Variants in PDE7A observed in about 807,000 individuals in gnomAD.
PDE7A encodes the protein high affinity 3',5'-cyclic-AMP phosphodiesterase 7A.
A neutral mutation model predicts 64.3 loss-of-function variants in PDE7A; 39 were observed. The observed-to-expected ratio is 0.61, with a 90% CI of 0.47 to 0.79. The LOEUF is 0.79. Ranked by LOEUF, PDE7A falls within the 30% of genes least tolerant of loss-of-function variation. PDE7A has a pLI of 0.00. For missense variants in PDE7A, 470 were observed against 582.8 expected (o/e 0.81, Z 1.99); for synonymous variants, 203 against 206.8 (o/e 0.98, Z 0.16).
Position 65,764,412 on chromosome 8 carries a change from T to C in PDE7A, c.283+15308A>G, listed in dbSNP as rs549722900. Among the ~76,000 whole-genome samples, 5 of 152,338 alleles carry C rather than the reference T, an allele frequency of 3.3e-5. No homozygotes were observed. In the South Asian group the frequency reaches 8.3e-4, roughly 25 times the overall value. ...GAGAGACTAAATTACAAATGATGGA[T>C]AGCTGCTTTCGCAGACCAAACAGAT... On this transcript the variant is annotated intron_variant, in intron 3 of 12. Transcript: ENST00000401827.
chr8:65,723,573 C>T lies in PDE7A; in HGVS notation c.1211G>A (p.Arg404His), dbSNP rs988517648. Residue 404 changes from arginine (R) to histidine (H), a missense_variant, in exon 12 of 13, where the codon CGT becomes CAT. Transcript: ENST00000401827. The stretch of plus-strand genomic sequence containing the variant: ...GATGTTGGCAATAGATTCAGTGTGA[C>T]GATCGCAAAGTGGACTCACACCCAA... ...YHLGVSPLCD[R>H]HTESIANIQI... The T allele has an allele frequency of 3.6e-5, 57 of 1,580,622 alleles. No homozygotes were observed. The highest frequency in any genetic ancestry group is 4.6e-5 in the Non-Finnish European group (54 of 1,165,320).
chr8:65,792,439 C>T (rs1809726462), intron 1 of PDE7A, among the ~76,000 whole-genome samples: 1 of 152,190 alleles, frequency 6.6e-6, no homozygotes. Flanking sequence ...ATCCCTGGGG[C>T]TCTCTGCCAC....
At chr8:65,791,573 T>C (rs1029550217) in intron 1 of PDE7A, among the ~76,000 whole-genome samples, 2 of 152,312 alleles carry the variant, frequency 1.3e-5, no homozygotes, top group South Asian at 4.1e-4. Context: ...AGGATTAGGC[T>C]CTTGGCTTTC....
At chr8:65,800,803 G>A (rs184602725) in intron 1 of PDE7A, among the ~76,000 whole-genome samples, 1 of 152,260 alleles carries the variant, frequency 6.6e-6, no homozygotes, top group Admixed American at 6.5e-5. Context: ...ACATCAAACA[G>A]AAACTCCTTT....
At chr8:65,744,734 AGAT>A (rs1205714800) in intron 5 of PDE7A, among the ~76,000 whole-genome samples, 1 of 152,240 alleles carries the variant, frequency 6.6e-6, no homozygotes, top group African/African-American at 2.4e-5. Flanking sequence ...AAAAAACATG[AGAT>A]AATAATGTTT....
intron 1 of PDE7A, among the ~76,000 whole-genome samples, chr8:65,828,074 G>A (rs962586647): frequency 3.3e-5 from 5 of 151,716 alleles, no homozygotes; most frequent in African/African-American, 4.9e-5. Flanking sequence ...TACTCTAACA[G>A]ACATGTTACT....
chr8:65,838,705 C>G (rs1407625139), intron 1 of PDE7A: 1 of 152,192 alleles, frequency 6.6e-6, no homozygotes. Context: ...CTAAATGTCC[C>G]AGGGTGCTTG....
chr8:65,772,974 C>A (rs1445026614), intron 3 of PDE7A, among the ~76,000 whole-genome samples: 1 of 152,064 alleles, frequency 6.6e-6, no homozygotes, highest in Non-Finnish European at 1.5e-5. Context: ...TGCCACTGCA[C>A]TCCAGCCTGG....
At chr8:65,818,097 A>C (rs550455331) in intron 1 of PDE7A, among the ~76,000 whole-genome samples, 1 of 151,816 alleles carries the variant, frequency 6.6e-6, no homozygotes, top group Admixed American at 6.5e-5. Flanking sequence ...TCTTGTTGAG[A>C]ATCTCAATTT....
At chr8:65,813,558 G>A (rs1366743049) in intron 1 of PDE7A, among the ~76,000 whole-genome samples, 1 of 151,998 alleles carries the variant, frequency 6.6e-6, no homozygotes, top group Non-Finnish European at 1.5e-5. Context: ...TGAAAAATAA[G>A]ACAAAAATAT....
At chr8:65,798,292 C>G (rs546660040) in intron 1 of PDE7A, among the ~76,000 whole-genome samples, 3 of 149,988 alleles carry the variant, frequency 2.0e-5, no homozygotes, top group Non-Finnish European at 4.4e-5. Flanking sequence ...TCACTGCAAC[C>G]TCTACCTCTC....
chr8:65,800,322 C>A (rs1809958166), intron 1 of PDE7A, among the ~76,000 whole-genome samples: 1 of 152,180 alleles, frequency 6.6e-6, no homozygotes, highest in Non-Finnish European at 1.5e-5. Flanking sequence ...AATTTTTAAA[C>A]AAAGCTGCTC....
At position 65,814,768 on chromosome 8, in the gene PDE7A, G is replaced by A. The variant is rs141078273; in HGVS notation, c.138+26603C>T. Among the ~76,000 whole-genome samples the A allele has an allele frequency of 7.5e-3, 1,143 of 152,172 alleles. 13 individuals are homozygous for A. The highest frequency in any genetic ancestry group is 0.01 in the Non-Finnish European group (707 of 68,010). Reference sequence around the variant, plus strand: ...CCTATAATCCCAGCACTTTTGGGAGGCCAAGGAGGACAGATCACCTGAGGT... The same window carrying A: ...CCTATAATCCCAGCACTTTTGGGAGACCAAGGAGGACAGATCACCTGAGGT... On this transcript the variant is annotated intron_variant, in intron 1 of 12. Coordinates refer to ENST00000401827, the MANE Select transcript of PDE7A (RefSeq NM_001242318.3).
chr8:65,818,114 A>T (rs1162811269), intron 1 of PDE7A, among the ~76,000 whole-genome samples: 1 of 146,844 alleles, frequency 6.8e-6, no homozygotes, highest in Non-Finnish European at 1.5e-5. Context: ...ATTTGTTGAC[A>T]CTGTTATACT....
At chr8:65,826,493 C>G (rs1810677290) in intron 1 of PDE7A, among the ~76,000 whole-genome samples, 1 of 152,180 alleles carries the variant, frequency 6.6e-6, no homozygotes, top group Non-Finnish European at 1.5e-5. Context: ...CACTTAACTT[C>G]ATATAACATT....
intron 3 of PDE7A, among the ~76,000 whole-genome samples, chr8:65,753,556 T>C (rs1307606798): frequency 6.7e-6 from 1 of 149,336 alleles, no homozygotes; most frequent in Non-Finnish European, 1.5e-5. Context: ...TTAAGACTTC[T>C]TTGTGTCCTA....
chr8:65,836,030 TATGAAGCATTTCTGAAAACAGAA>T (rs1473929675), intron 1 of PDE7A, among the ~76,000 whole-genome samples: 1 of 152,140 alleles, frequency 6.6e-6, no homozygotes, highest in Non-Finnish European at 1.5e-5. Context: ...TAAATCAAAG[TATGAAGCATTTCTGAAAACAGAA>T]ATGAAGCCAA....
At chr8:65,821,261 C>T (rs1031573935) in intron 1 of PDE7A, among the ~76,000 whole-genome samples, 7 of 151,672 alleles carry the variant, frequency 4.6e-5, no homozygotes, top group African/African-American at 1.5e-4. Flanking sequence ...GAGAACCAGA[C>T]CTAAAAAGCT....
intron 3 of PDE7A, among the ~76,000 whole-genome samples, chr8:65,760,176 G>A (rs1007440468): frequency 6.6e-6 from 1 of 152,178 alleles, no homozygotes; most frequent in Non-Finnish European, 1.5e-5. Context: ...GGAAGTAGAG[G>A]TTGCAGTGAG....
Sources: gnomAD v4.1 joint callset for allele counts (sites outside exome capture counted in the v4.1 genomes callset) on GRCh38, gnomAD v4.1.1 for gene constraint, MANE v1.5 for transcripts, NCBI Gene and HGNC (gene_info 2026-07-23, HGNC 2026-07-21) for gene names.